The following CCDC68 variants were observed in gnomAD, a reference collection of about 807,000 sequenced individuals.
The protein encoded by CCDC68 is coiled-coil domain containing 68.
A neutral mutation model predicts 47.1 loss-of-function variants in CCDC68; 45 were observed. The observed-to-expected ratio is 0.96, with a 90% CI of 0.75 to 1.23. CCDC68 has a LOEUF of 1.23. Ranked by LOEUF, CCDC68 falls within the 50% of genes most tolerant of loss-of-function variation. CCDC68 has a pLI of 0.00. For missense variants in CCDC68, 353 were observed against 373.6 expected (o/e 0.94, Z 0.45); for synonymous variants, 131 against 129.5 (o/e 1.01, Z -0.08).
In CCDC68 at chr18:54,937,101, T is replaced by C. The variant is rs968109899; in HGVS notation, c.346-143A>G. 3.1e-5 allele frequency: 22 copies of C among 720,784 alleles called. No individual in the cohort carries two copies. In the East Asian group the frequency reaches 4.7e-4, roughly 15 times the overall value. The allele number at this position is 720,784 out of a possible 1,614,324, so 44.6% of individuals were successfully genotyped here. A position where few individuals can be genotyped will look rare whatever the true frequency, so the allele number is the denominator to read the frequency against. ...AGACAATGGATACGAGAGAAGACAC[T>C]GTTATTTGGTAAGAGGAAAATGTAA... On this transcript the variant is annotated intron_variant, in intron 5 of 11. Transcript: ENST00000591504.
rs1913755650 is a variant in CCDC68, at chr18:54,902,761, T to G, written c.*1597A>C. The G allele has an allele frequency of 1.3e-5, 2 of 152,228 alleles. No individual in the cohort carries two copies. The highest frequency in any genetic ancestry group is 4.8e-5 in the African/African-American group (2 of 41,462). The allele number at this position is 152,228 out of a possible 1,614,324, so 9.4% of individuals were successfully genotyped here. ...AGATTTCTATAGCTGGGAAATTTCT[T>G]AGACCACCATGTGAGCAAGTAGAAT... is the stretch of plus-strand genomic sequence containing the variant. On this transcript the variant is annotated 3_prime_UTR_variant, in exon 12 of 12. Transcript: ENST00000591504.
rs1165305507 is a variant in CCDC68, at chr18:54,949,232, G to A, written c.-102-3755C>T. ...GCTGGTCTTGAACTCCTGTGCTCAAGTGATCCACCCACCTTGGCTTCCCAA... is the reference window on the plus strand; with the variant it reads ...GCTGGTCTTGAACTCCTGTGCTCAAATGATCCACCCACCTTGGCTTCCCAA... On this transcript the variant is annotated intron_variant, in intron 1 of 11. Transcript: ENST00000591504. Among the ~76,000 whole-genome samples, 5 of 152,206 alleles carry A rather than the reference G, an allele frequency of 3.3e-5. No homozygotes were observed. The East Asian group carries it at 9.6e-4, about 29-fold the overall frequency.
At chr18:54,945,630 T>C (rs1033645192) in intron 1 of CCDC68, among the ~76,000 whole-genome samples, 153 bp from the exon 2 acceptor site, 1 of 152,232 alleles carries the variant, frequency 6.6e-6, no homozygotes, top group African/African-American at 2.4e-5. Flanking sequence ...ATTTATCCTT[T>C]AATCTTCAAT....
intron 7 of CCDC68, among the ~76,000 whole-genome samples, chr18:54,930,833 C>T (rs1434032007): frequency 1.3e-5 from 2 of 151,432 alleles, no homozygotes; most frequent in African/African-American, 2.4e-5. Context: ...ATTCTCCTGC[C>T]TCAGCCTCCC....
At chr18:54,947,161 T>G (rs1331307552) in intron 1 of CCDC68, among the ~76,000 whole-genome samples, 1 of 152,182 alleles carries the variant, frequency 6.6e-6, no homozygotes, top group African/African-American at 2.4e-5. Flanking sequence ...AGAAGTAGAT[T>G]AAGGGGATAA....
chr18:54,953,386 A>T (rs1205383517), intron 1 of CCDC68, among the ~76,000 whole-genome samples: 1 of 152,170 alleles, frequency 6.6e-6, no homozygotes, highest in Non-Finnish European at 1.5e-5. Flanking sequence ...CACAACTGAG[A>T]TTTCAAAATC....
chr18:54,906,885 A>G (rs7232786), intron 11 of CCDC68, among the ~76,000 whole-genome samples: 27,042 of 152,244 alleles, frequency 0.18, 2,538 homozygotes, highest in South Asian at 0.21. Flanking sequence ...CTAATTACAT[A>G]CATCATTAGC....
intron 10 of CCDC68, among the ~76,000 whole-genome samples, chr18:54,913,803 A>G (rs1416128537): frequency 1.3e-5 from 2 of 152,112 alleles, no homozygotes; most frequent in African/African-American, 2.4e-5. Context: ...ACAGAGTAAG[A>G]CCCTGTCCCT....
Position 54,924,133 on chromosome 18 carries a change from T to C in CCDC68, c.683+4667A>G, listed in dbSNP as rs113553963. 7.2e-3 allele frequency among the ~76,000 whole-genome samples: 1,103 copies of C among 152,324 alleles called. 19 individuals carry two copies. Among genetic ancestry groups the C allele is most frequent in the African/African-American group, 0.025 (1,051 of 41,572 alleles). ...TCCAATGTCTCAACATAATTTTTGA[T>C]CATGTTTTCCTCTACAATGCAACTG... On this transcript the variant is annotated intron_variant, in intron 8 of 11. Coordinates refer to ENST00000591504, the MANE Select transcript of CCDC68 (RefSeq NM_025214.3).
intron 10 of CCDC68, among the ~76,000 whole-genome samples, chr18:54,915,909 A>G (rs765466793): frequency 2.8e-4 from 43 of 152,148 alleles, no homozygotes; most frequent in Non-Finnish European, 4.7e-4. Flanking sequence ...AGCCTAGGCG[A>G]CAGAGTGAGA....
intron 10 of CCDC68, among the ~76,000 whole-genome samples, chr18:54,908,517 A>G (rs886993715): frequency 6.6e-6 from 1 of 152,188 alleles, no homozygotes; most frequent in African/African-American, 2.4e-5. Context: ...TCTCAGGTAC[A>G]AATCCTAGCA....
In CCDC68 at chr18:54,918,012, C is replaced by A. The variant is rs1273035485; in HGVS notation, c.790-16G>T. On this transcript the variant is annotated splice_polypyrimidine_tract_variant and intron_variant, in intron 9 of 11. Coordinates refer to ENST00000591504, the MANE Select transcript of CCDC68 (RefSeq NM_025214.3). ...ATCCTTCCATCTAAGAATTAGAAAACACAATAGGAAAAACCTTGTCAGACC... is the reference window on the plus strand; with the variant it reads ...ATCCTTCCATCTAAGAATTAGAAAAAACAATAGGAAAAACCTTGTCAGACC... The A allele has an allele frequency of 1.7e-6, 2 of 1,182,620 alleles. No individual in the cohort carries two copies. Among genetic ancestry groups the A allele is most frequent in the Admixed American group, 2.0e-5 (1 of 49,424 alleles). 73.3% of individuals were successfully genotyped at this position (1,182,620 alleles called of 1,614,324 possible).
intron 8 of CCDC68, 93 bp from the exon 9 acceptor site, chr18:54,919,469 T>C: frequency 1.0e-6 from 1 of 1,002,422 alleles, no homozygotes; most frequent in East Asian, 2.4e-5. Flanking sequence ...CACACTCTAC[T>C]GCTACTGGGG....
intron 11 of CCDC68, 83 bp downstream of exon 11, chr18:54,907,703 T>C (rs1914092565): frequency 1.3e-6 from 1 of 775,560 alleles, no homozygotes; most frequent in Non-Finnish European, 2.3e-6. Context: ...AGTGACAGAC[T>C]GGAATCTTTC....
At chr18:54,907,900 C>T in intron 10 of CCDC68, 38 bp from the exon 11 acceptor site, 2 of 1,129,922 alleles carry the variant, frequency 1.8e-6, no homozygotes, top group Non-Finnish European at 2.7e-6. Flanking sequence ...AAATAGCTAA[C>T]ACATTTATTA....
intron 10 of CCDC68, among the ~76,000 whole-genome samples, chr18:54,910,960 G>A (rs1252764333): frequency 6.6e-6 from 1 of 152,226 alleles, no homozygotes; most frequent in Non-Finnish European, 1.5e-5. Flanking sequence ...GGACTCCTGA[G>A]TCTGCAGCCA....
Position 54,919,254 on chromosome 18 carries a change from C to A in CCDC68, c.789+17G>T. On this transcript the variant is annotated intron_variant, in intron 9 of 11. Transcript: ENST00000591504. ...AAACATACTGTCTACCAGATAAATACACTTGATTAATCTGACCTCCTGGAT... is the reference window on the plus strand; with the variant it reads ...AAACATACTGTCTACCAGATAAATAAACTTGATTAATCTGACCTCCTGGAT... 1 of 1,581,746 alleles carries A rather than the reference C, an allele frequency of 6.3e-7. No individual in the cohort carries two copies. Among genetic ancestry groups the A allele is most frequent in the South Asian group, 1.1e-5 (1 of 90,436 alleles).
intron 7 of CCDC68, among the ~76,000 whole-genome samples, chr18:54,930,589 C>CCCTTCCTTCCTT (rs201155377): frequency 3.3e-4 from 34 of 103,134 alleles, no homozygotes; most frequent in African/African-American, 1.3e-3. Context: ...GATACTCACT[C>CCCTTCCTTCCTT]CCTTCCTTCC....
rs769442226 is a variant in CCDC68, at chr18:54,934,911, T to C, written c.509A>G (p.His170Arg). Residue 170 changes from histidine (H) to arginine (R), a missense_variant, in exon 7 of 12, where the codon CAT becomes CGT. Coordinates refer to ENST00000591504, the MANE Select transcript of CCDC68 (RefSeq NM_025214.3). The stretch of plus-strand genomic sequence containing the variant: ...AGCAACTTGATTCAGATTTTCAACA[T>C]GTTGTTTCAATTTCTGTTCTTTTTC... ...KLEKEQKLKQHVENLNQVAEK... is the reference protein window; with the variant it reads ...KLEKEQKLKQRVENLNQVAEK... 6.3e-7 allele frequency: 1 copy of C among 1,598,002 alleles called. No homozygotes were observed. The highest frequency in any genetic ancestry group is 8.5e-7 in the Non-Finnish European group (1 of 1,173,700).
Sources: gnomAD v4.1 joint callset for allele counts (sites outside exome capture counted in the v4.1 genomes callset) on GRCh38, gnomAD v4.1.1 for gene constraint, MANE v1.5 for transcripts, NCBI Gene and HGNC (gene_info 2026-07-23, HGNC 2026-07-21) for gene names.